TNS1: variants seen among roughly 807,000 people sequenced by gnomAD.
TNS1 encodes tensin-1.
A neutral mutation model predicts 168.6 loss-of-function variants in TNS1; 62 were observed. The ratio of observed to expected loss-of-function variants is 0.37; its 90% CI spans 0.30 to 0.45. The LOEUF is 0.45. Among genes scored for constraint, TNS1 ranks in the 20% least tolerant of loss-of-function variants. The pLI, the probability that TNS1 is intolerant of heterozygous loss-of-function variation, is 1.00. For missense variants in TNS1, 2,240 were observed against 2,339.4 expected, an observed-to-expected ratio of 0.96 and a Z score of 0.88; for synonymous variants, 934 against 933.2, an observed-to-expected ratio of 1.00 and a Z score of -0.02.
intron 4 of TNS1, among the ~76,000 whole-genome samples, chr2:217,909,480 C>A (rs889536032): frequency 1.3e-5 from 2 of 152,028 alleles, no homozygotes; most frequent in Non-Finnish European, 2.9e-5. Flanking sequence ...TAATAGGCCT[C>A]GACCCTCAGC....
At chr2:217,836,773 C>T (rs1018901201) in intron 19 of TNS1, among the ~76,000 whole-genome samples, 2 of 152,210 alleles carry the variant, frequency 1.3e-5, no homozygotes, top group Non-Finnish European at 2.9e-5. Context: ...CAACTTCATC[C>T]GGTGTACCGC....
chr2:217,890,856 C>A lies in TNS1; in HGVS notation c.866+106G>T, dbSNP rs1437857087. The A allele has an allele frequency of 6.3e-6, 8 of 1,274,544 alleles. No individual in the cohort carries two copies. In the South Asian group the frequency reaches 6.4e-5, roughly 10 times the overall value. 79.0% of individuals were successfully genotyped at this position (1,274,544 alleles called of 1,614,324 possible). ...ATCTGAAAACTTGCGCCTGGTACAC[C>A]CCCACCTAGGCACAGCTATCCCATC... On this transcript the variant is annotated intron_variant, in intron 12 of 32. Coordinates refer to ENST00000682258, the MANE Select transcript of TNS1 (RefSeq NM_001387777.1).
At chr2:218,009,497 C>G (rs991897528) in intron 1 of TNS1, among the ~76,000 whole-genome samples, 1 of 151,998 alleles carries the variant, frequency 6.6e-6, no homozygotes, top group Non-Finnish European at 1.5e-5. Context: ...CTGCAGGTTC[C>G]CCAGACCCCT....
At chr2:217,976,288 C>T (rs1387794712) in intron 3 of TNS1, among the ~76,000 whole-genome samples, 2 of 152,162 alleles carry the variant, frequency 1.3e-5, no homozygotes, top group African/African-American at 4.8e-5. Context: ...TGAATCCTGC[C>T]TAGAAGCAGG....
At chr2:218,029,308 C>T (rs1559415095) in intron 1 of TNS1, among the ~76,000 whole-genome samples, 3 of 152,114 alleles carry the variant, frequency 2.0e-5, no homozygotes, top group African/African-American at 7.2e-5. Context: ...AGGCATCCCT[C>T]ACCCCCATCA....
In TNS1 at chr2:217,886,184, A is replaced by C. The variant is rs957194337; in HGVS notation, c.980-80T>G. ...GGCAGAGGAGACAGTGAAGGGAGAA[A>C]GAGAGAAAGGAAGGAAGAAATGGGG... is the stretch of plus-strand genomic sequence containing the variant. On this transcript the variant is annotated intron_variant, in intron 13 of 32. Transcript: ENST00000682258. 2.7e-6 allele frequency: 4 copies of C among 1,470,628 alleles called. No individual in the cohort carries two copies. In the African/African-American group the frequency reaches 5.6e-5, roughly 21 times the overall value. 91.1% of individuals were successfully genotyped at this position (1,470,628 alleles called of 1,614,324 possible).
chr2:218,009,553 C>A (rs1958688080), intron 1 of TNS1, among the ~76,000 whole-genome samples: 1 of 151,886 alleles, frequency 6.6e-6, no homozygotes, highest in Non-Finnish European at 1.5e-5. Context: ...GGCGCCCCAG[C>A]CCCCATCCTC....
At chr2:217,810,040 G>A (rs1940545904) in intron 29 of TNS1, 49 bp from the exon 30 acceptor site, 1 of 1,587,526 alleles carries the variant, frequency 6.3e-7, no homozygotes, top group South Asian at 1.1e-5. Flanking sequence ...GCGTGGGTGA[G>A]GACATTAACC....
chr2:217,831,490 T>C lies in TNS1; in HGVS notation c.3338A>G (p.His1113Arg). 6.3e-7 allele frequency: 1 copy of C among 1,586,996 alleles called. No individual in the cohort carries two copies. The highest frequency in any genetic ancestry group is 1.1e-5 in the South Asian group (1 of 87,424). ...TPLSALGLKP[H>R]NPADILLHPT... Reference sequence around the variant, plus strand: ...GTGCAACAGGATGTCCGCTGGGTTGTGAGGTTTCAGGCCCAGAGCAGACAG... The same window carrying C: ...GTGCAACAGGATGTCCGCTGGGTTGCGAGGTTTCAGGCCCAGAGCAGACAG... The change falls in exon 22 of 33, where the codon CAC (histidine) becomes CGC (arginine). Residue 1113 changes from histidine (H) to arginine (R), a missense_variant. His to Arg is a conservative substitution (Grantham distance 29). This residue lies in a region of TNS1 where 2,131 missense variants were observed against 2,171.2 expected (regional missense o/e 0.98). Transcript: ENST00000682258.
chr2:217,890,826 C>T (rs2125699749), intron 12 of TNS1, 136 bp downstream of exon 12: 3 of 861,270 alleles, frequency 3.5e-6, no homozygotes, highest in Non-Finnish European at 5.5e-6. Flanking sequence ...CCACTGCAGG[C>T]TGGCATCTGA....
intron 1 of TNS1, among the ~76,000 whole-genome samples, chr2:218,031,188 GTGTC>G (rs1228008122): frequency 5.3e-5 from 8 of 149,864 alleles, no homozygotes; most frequent in Admixed American, 1.3e-4. Context: ...GAGTGTGAAT[GTGTC>G]TGTATGTGTG....
chr2:218,017,096 CG>C (rs1958768671), intron 1 of TNS1, among the ~76,000 whole-genome samples: 2 of 152,208 alleles, frequency 1.3e-5, no homozygotes, highest in Admixed American at 1.3e-4. Flanking sequence ...GCTCAGACCA[CG>C]GAAGGGACAA....
chr2:217,957,214 G>C (rs1184865027), intron 3 of TNS1, among the ~76,000 whole-genome samples: 1 of 152,114 alleles, frequency 6.6e-6, no homozygotes, highest in Non-Finnish European at 1.5e-5. Flanking sequence ...TTCCGAGCCA[G>C]CCAGGCAGCC....
intron 4 of TNS1, among the ~76,000 whole-genome samples, chr2:217,910,546 C>T (rs1169925243): frequency 1.3e-5 from 2 of 152,070 alleles, no homozygotes; most frequent in African/African-American, 4.8e-5. Flanking sequence ...CCTGAGGCTG[C>T]CACTGCCCCA....
chr2:217,920,755 C>T (rs1428195874), intron 3 of TNS1, among the ~76,000 whole-genome samples: 2 of 151,990 alleles, frequency 1.3e-5, no homozygotes, highest in African/African-American at 2.4e-5. Context: ...TGGCACTTTC[C>T]CGGAGCATGC....
At position 217,952,765 on chromosome 2, in the gene TNS1, T is replaced by C. The variant is rs1957272513; in HGVS notation, c.186+26000A>G. On this transcript the variant is annotated intron_variant, in intron 3 of 32. Coordinates refer to ENST00000682258, the MANE Select transcript of TNS1 (RefSeq NM_001387777.1). ...TTCCCAGCAGGGCTTGCTTGAGAAA[T>C]GGATCCTGGTCTCATGGATGCGAAC... Among the ~76,000 whole-genome samples the C allele has an allele frequency of 3.9e-5, 6 of 152,086 alleles. No individual in the cohort carries two copies. The South Asian group carries it at 1.0e-3, about 26-fold the overall frequency.
intron 18 of TNS1, among the ~76,000 whole-genome samples, chr2:217,856,301 G>A (rs900628421): frequency 6.6e-6 from 1 of 152,178 alleles, no homozygotes; most frequent in African/African-American, 2.4e-5. Flanking sequence ...GGTACAGAGG[G>A]CCCCGTGGAG....
At chr2:217,971,518 A>AGCT (rs1172419377) in intron 3 of TNS1, among the ~76,000 whole-genome samples, 1 of 152,252 alleles carries the variant, frequency 6.6e-6, no homozygotes, top group African/African-American at 2.4e-5. Flanking sequence ...TTGGAAATAA[A>AGCT]GCTGCTATGA....
chr2:218,004,373 C>CG (rs544606302), upstream of TNS1, among the ~76,000 whole-genome samples: 15 of 152,290 alleles, frequency 9.8e-5, no homozygotes, highest in South Asian at 3.1e-3. Context: ...CTGCCTCCCC[C>CG]CCCCACTCAC....
Sources: gnomAD v4.1 joint callset for allele counts (sites outside exome capture counted in the v4.1 genomes callset) on GRCh38, gnomAD v4.1.1 for gene constraint, gnomAD v4.1.1 regional missense constraint, MANE v1.5 for transcripts, NCBI Gene and HGNC (gene_info 2026-07-23, HGNC 2026-07-21) for gene names.